Variants in CAMK1D observed in about 807,000 individuals in gnomAD.
CAMK1D encodes calcium/calmodulin dependent protein kinase ID, also known as calcium/calmodulin-dependent protein kinase type 1D.
Under a neutral mutation model 47.7 loss-of-function variants are expected in CAMK1D, and 9 were observed. That is an observed-to-expected ratio of 0.19 (90% CI 0.11 to 0.33). The LOEUF is 0.33. Ranked by LOEUF, CAMK1D falls within the 10% of genes least tolerant of loss-of-function variation. The probability of loss-of-function intolerance (pLI) is 1.00; values close to 1 mark genes in which losing one functional copy is unlikely to be tolerated. For synonymous variants in CAMK1D, 184 were observed against 184.9 expected (o/e 0.99, Z 0.04); for missense variants, 291 against 488.7 (o/e 0.60, Z 3.81).
chr10:12,797,696 T>G (rs972438668), intron 6 of CAMK1D, among the ~76,000 whole-genome samples: 1 of 152,144 alleles, frequency 6.6e-6, no homozygotes, highest in Non-Finnish European at 1.5e-5. Flanking sequence ...TCCAAGGGTT[T>G]TCAGAAAGGA....
At chr10:12,390,239 T>G (rs1011133424) in intron 1 of CAMK1D, among the ~76,000 whole-genome samples, 2 of 152,160 alleles carry the variant, frequency 1.3e-5, no homozygotes, top group African/African-American at 2.4e-5. Flanking sequence ...GTCTCTATTT[T>G]TTAAAAATTA....
At chr10:12,642,819 A>G (rs1191399153) in intron 2 of CAMK1D, among the ~76,000 whole-genome samples, 1 of 152,204 alleles carries the variant, frequency 6.6e-6, no homozygotes, top group African/African-American at 2.4e-5. Context: ...GTGTTGGGAA[A>G]TATTCTGTAA....
chr10:12,709,101 A>C (rs1833837306), intron 3 of CAMK1D, among the ~76,000 whole-genome samples: 2 of 152,216 alleles, frequency 1.3e-5, no homozygotes, highest in Non-Finnish European at 2.9e-5. Flanking sequence ...CCTCCTTGTC[A>C]GACCTTCCTC....
At chr10:12,603,308 C>T (rs1191407990) in intron 2 of CAMK1D, among the ~76,000 whole-genome samples, 1 of 152,176 alleles carries the variant, frequency 6.6e-6, no homozygotes, top group East Asian at 1.9e-4. Context: ...CTGCCTGCTG[C>T]GTCCTGCTGG....
chr10:12,437,358 A>T (rs1033936984), intron 1 of CAMK1D, among the ~76,000 whole-genome samples: 8 of 152,036 alleles, frequency 5.3e-5, no homozygotes, highest in African/African-American at 1.9e-4. Flanking sequence ...CGCCTGGCTA[A>T]TTTTTTGTAT....
intron 2 of CAMK1D, among the ~76,000 whole-genome samples, chr10:12,639,278 C>T (rs983392654): frequency 5.9e-5 from 9 of 152,264 alleles, no homozygotes; most frequent in South Asian, 2.1e-4. Context: ...CGAGGTCAGG[C>T]GTTCAAGACC....
chr10:12,682,827 A>AT (rs750420102), intron 3 of CAMK1D, among the ~76,000 whole-genome samples: 45,224 of 152,058 alleles, frequency 0.3, 7,413 homozygotes, highest in South Asian at 0.51. Context: ...TCTGATATTT[A>AT]CTTAGTCAAC....
intron 3 of CAMK1D, among the ~76,000 whole-genome samples, chr10:12,757,112 A>G (rs1281686174): frequency 6.6e-6 from 1 of 151,572 alleles, no homozygotes; most frequent in Non-Finnish European, 1.5e-5. Flanking sequence ...CTCTCTCCTA[A>G]TAGCTATTAT....
chr10:12,660,690 T>C lies in CAMK1D; in HGVS notation c.225-6046T>C, dbSNP rs190045189. ...TTCATGTAGGTTGCCATATAAACCA[T>C]TTTCTCTCTGTATATAGATGTGTCA... On this transcript the variant is annotated intron_variant, in intron 2 of 10. Coordinates refer to ENST00000619168, the MANE Select transcript of CAMK1D (RefSeq NM_153498.4). Among the ~76,000 whole-genome samples, 592 of 152,316 alleles carry C rather than the reference T, an allele frequency of 3.9e-3. 7 individuals carry two copies. Among genetic ancestry groups the C allele is most frequent in the African/African-American group, 0.013 (546 of 41,562 alleles).
chr10:12,705,932 T>C (rs1833713285), intron 3 of CAMK1D, among the ~76,000 whole-genome samples: 1 of 152,240 alleles, frequency 6.6e-6, no homozygotes, highest in Admixed American at 6.5e-5. Flanking sequence ...TCATGGGATG[T>C]ATTATAATAA....
At chr10:12,790,936 C>T (rs1837950668) in intron 5 of CAMK1D, among the ~76,000 whole-genome samples, 1 of 151,954 alleles carries the variant, frequency 6.6e-6, no homozygotes, top group African/African-American at 2.4e-5. Flanking sequence ...GTCAAGACTG[C>T]AGTGAGCCAT....
chr10:12,374,648 A>C (rs1838119087), intron 1 of CAMK1D, among the ~76,000 whole-genome samples: 1 of 152,028 alleles, frequency 6.6e-6, no homozygotes, highest in African/African-American at 2.4e-5. Context: ...CTTTTTTTAG[A>C]AATATTTCTG....
chr10:12,828,667 C>T (rs764655572), intron 10 of CAMK1D, 102 bp from the exon 11 acceptor site: 4 of 839,270 alleles, frequency 4.8e-6, no homozygotes, highest in Admixed American at 2.5e-5. Context: ...TGGGCCCCCC[C>T]GCCCCCCACC....
chr10:12,560,158 C>T (rs1331888777), intron 2 of CAMK1D, among the ~76,000 whole-genome samples: 1 of 152,062 alleles, frequency 6.6e-6, no homozygotes, highest in African/African-American at 2.4e-5. Context: ...CCTGCTCCTG[C>T]GGCTTTGTTC....
At chr10:12,398,793 C>CT (rs138561387) in intron 1 of CAMK1D, among the ~76,000 whole-genome samples, 46 of 148,862 alleles carry the variant, frequency 3.1e-4, no homozygotes, top group Admixed American at 1.5e-3. Context: ...TTTTTGGGGT[C>CT]TTTTTTTTTT....
At chr10:12,430,443 T>C (rs1832432272) in intron 1 of CAMK1D, among the ~76,000 whole-genome samples, 1 of 152,202 alleles carries the variant, frequency 6.6e-6, no homozygotes, top group Non-Finnish European at 1.5e-5. Flanking sequence ...ATCAGTGTGC[T>C]TCAGAACATC....
At chr10:12,468,168 G>T (rs893672167) in intron 1 of CAMK1D, among the ~76,000 whole-genome samples, 2 of 152,168 alleles carry the variant, frequency 1.3e-5, no homozygotes, top group African/African-American at 4.8e-5. Flanking sequence ...TGATCCTCCC[G>T]CCTCAGCTTC....
At chr10:12,563,419 A>G (rs1251398528) in intron 2 of CAMK1D, among the ~76,000 whole-genome samples, 4 of 152,194 alleles carry the variant, frequency 2.6e-5, no homozygotes, top group South Asian at 2.1e-4. Flanking sequence ...CTGGCTCTCA[A>G]TGGATTTGAA....
intron 2 of CAMK1D, among the ~76,000 whole-genome samples, chr10:12,609,502 C>T (rs1838560871): frequency 6.6e-6 from 1 of 152,174 alleles, no homozygotes; most frequent in Non-Finnish European, 1.5e-5. Flanking sequence ...ACTGGACAGT[C>T]CCATCTGGGG....
Sources: gnomAD v4.1 joint callset for allele counts (sites outside exome capture counted in the v4.1 genomes callset) on GRCh38, gnomAD v4.1.1 for gene constraint, MANE v1.5 for transcripts, NCBI Gene and HGNC (gene_info 2026-07-23, HGNC 2026-07-21) for gene names.